The following TGFA variants were observed in gnomAD, a reference collection of about 807,000 sequenced individuals.
TGFA encodes protransforming growth factor alpha.
Under a neutral mutation model 21.7 loss-of-function variants are expected in TGFA, and 12 were observed. The ratio of observed to expected loss-of-function variants is 0.55; its 90% confidence interval spans 0.35 to 0.90. TGFA has a LOEUF of 0.90. TGFA is among the 40% of genes least tolerant of loss of function. TGFA has a pLI of 0.01. For synonymous variants in TGFA, 79 were observed against 88.1 expected, an observed-to-expected ratio of 0.90 and a Z score of 0.58; for missense variants, 178 against 210.8, an observed-to-expected ratio of 0.84 and a Z score of 0.96.
intron 2 of TGFA, among the ~76,000 whole-genome samples, chr2:70,473,194 T>C (rs1574081801): frequency 6.6e-6 from 1 of 151,840 alleles, no homozygotes; most frequent in Admixed American, 6.6e-5. Context: ...TTTACAAGGG[T>C]GGAACTCCAA....
At chr2:70,524,183 A>G (rs1322457449) in intron 1 of TGFA, among the ~76,000 whole-genome samples, 1 of 152,198 alleles carries the variant, frequency 6.6e-6, no homozygotes, top group African/African-American at 2.4e-5. Context: ...GGTCCGAGAG[A>G]ACCCTCTCTC....
intron 2 of TGFA, among the ~76,000 whole-genome samples, chr2:70,509,026 G>A (rs1413291580): frequency 6.6e-6 from 1 of 152,228 alleles, no homozygotes; most frequent in Non-Finnish European, 1.5e-5. Flanking sequence ...GGAGAGGAAA[G>A]GAAGAATCCC....
chr2:70,549,336 C>T (rs953567572), intron 1 of TGFA, among the ~76,000 whole-genome samples: 2 of 152,192 alleles, frequency 1.3e-5, no homozygotes, highest in Non-Finnish European at 2.9e-5. Context: ...AGGTAACATG[C>T]AATTGGTTAA....
intron 3 of TGFA, among the ~76,000 whole-genome samples, chr2:70,462,849 C>T (rs531409163): frequency 5.5e-4 from 83 of 152,152 alleles, no homozygotes; most frequent in African/African-American, 1.8e-3. Flanking sequence ...TTTCCAAATG[C>T]GAGTGTGTCT....
chr2:70,457,519 G>A (rs1053354408), intron 3 of TGFA, among the ~76,000 whole-genome samples: 12 of 150,772 alleles, frequency 8.0e-5, no homozygotes, highest in Admixed American at 6.6e-4. Context: ...ATCTAAGATC[G>A]CCACTTCCTT....
At chr2:70,457,545 C>T (rs200710283) in intron 3 of TGFA, among the ~76,000 whole-genome samples, 2 of 143,732 alleles carry the variant, frequency 1.4e-5, no homozygotes, top group African/African-American at 5.1e-5. Flanking sequence ...GGCGGGACTT[C>T]TTTTTTTTTT....
At chr2:70,524,964 G>A (rs1672590344) in intron 1 of TGFA, among the ~76,000 whole-genome samples, 2 of 152,062 alleles carry the variant, frequency 1.3e-5, no homozygotes, top group Non-Finnish European at 2.9e-5. Flanking sequence ...CATCCTCTGG[G>A]CCCAGGTGAG....
intron 2 of TGFA, chr2:70,467,791 C>T (rs1670614601): frequency 6.6e-6 from 1 of 152,222 alleles, no homozygotes; most frequent in East Asian, 1.9e-4. Flanking sequence ...TGAGCTGCTT[C>T]TAGAAGTGTC....
intron 2 of TGFA, among the ~76,000 whole-genome samples, chr2:70,505,771 T>C (rs1359455229): frequency 1.3e-5 from 2 of 152,202 alleles, no homozygotes; most frequent in Admixed American, 1.3e-4. Context: ...TCTAATCCAT[T>C]TTCTCCTGTG....
At chr2:70,504,824 T>C (rs1342316752) in intron 2 of TGFA, among the ~76,000 whole-genome samples, 3 of 152,142 alleles carry the variant, frequency 2.0e-5, no homozygotes, top group African/African-American at 7.2e-5. Context: ...TGTATGTGTA[T>C]CTGTGTGTGT....
At chr2:70,490,250 A>G (rs1278320760) in intron 2 of TGFA, among the ~76,000 whole-genome samples, 6 of 152,244 alleles carry the variant, frequency 3.9e-5, no homozygotes, top group African/African-American at 1.2e-4. Context: ...TTTACCATAT[A>G]GTGTCAATAA....
At chr2:70,460,194 C>A (rs529528388) in intron 3 of TGFA, among the ~76,000 whole-genome samples, 4 of 152,210 alleles carry the variant, frequency 2.6e-5, no homozygotes, top group Admixed American at 6.5e-5. Context: ...ATGTCCAGGC[C>A]ACACCTTTAG....
At chr2:70,485,398 T>G (rs1489024132) in intron 2 of TGFA, among the ~76,000 whole-genome samples, 1 of 152,110 alleles carries the variant, frequency 6.6e-6, no homozygotes, top group East Asian at 1.9e-4. Context: ...CCACCGTGCC[T>G]GGCTAATTTT....
Position 70,453,208 on chromosome 2 carries a change from G to A in TGFA, c.475+10C>T. 6.2e-7 allele frequency: 1 copy of A among 1,610,612 alleles called. No individual in the cohort carries two copies. On this transcript the variant is annotated intron_variant, in intron 5 of 5. Coordinates refer to ENST00000295400, the MANE Select transcript of TGFA (RefSeq NM_003236.4). ...CAATAGTGTCTCCCACCAGAGAAGA[G>A]TCTCCTTACCTGTTTCTGAGTGGCA...
chr2:70,509,483 A>C (rs1672027121), intron 2 of TGFA, among the ~76,000 whole-genome samples: 1 of 152,178 alleles, frequency 6.6e-6, no homozygotes, highest in Non-Finnish European at 1.5e-5. Context: ...TCCCTAAGCC[A>C]GCTGATAATG....
chr2:70,553,752 C>T lies in TGFA; in HGVS notation c.16G>A (p.Gly6Arg), dbSNP rs868956335. Residue 6 changes from glycine (G) to arginine (R), a missense_variant, in exon 1 of 6, where the codon GGA becomes AGA. Physicochemically the swap from Gly to Arg is moderately radical, Grantham distance 125 (BLOSUM62 -2). Coordinates refer to ENST00000295400, the MANE Select transcript of TGFA (RefSeq NM_003236.4). MVPSA[G>R]QLALFALGIV... ...CCCAGAGCGAACAGGGCGAGCTGTCCAGCCGAGGGGACCATTTTACGGGCG... is the reference window on the plus strand; with the variant it reads ...CCCAGAGCGAACAGGGCGAGCTGTCTAGCCGAGGGGACCATTTTACGGGCG... 1 of 1,302,884 alleles carries T rather than the reference C, an allele frequency of 7.7e-7. No homozygotes were observed. Among genetic ancestry groups the T allele is most frequent in the Non-Finnish European group, 9.8e-7 (1 of 1,019,156 alleles). The allele number at this position is 1,302,884 out of a possible 1,614,324, so 80.7% of individuals were successfully genotyped here.
At chr2:70,509,969 G>A (rs1672042860) in intron 2 of TGFA, among the ~76,000 whole-genome samples, 2 of 152,138 alleles carry the variant, frequency 1.3e-5, no homozygotes, top group Admixed American at 1.3e-4. Flanking sequence ...TAAGCTATAG[G>A]TGCTGCCACC....
chr2:70,494,652 G>A (rs563244646), intron 2 of TGFA, among the ~76,000 whole-genome samples: 84 of 152,228 alleles, frequency 5.5e-4, no homozygotes, highest in African/African-American at 1.1e-3. Flanking sequence ...TGCTTTGTAC[G>A]CAGCTCTTAT....
chr2:70,503,769 T>C (rs898180802), intron 2 of TGFA, among the ~76,000 whole-genome samples: 1 of 152,198 alleles, frequency 6.6e-6, no homozygotes, highest in Non-Finnish European at 1.5e-5. Flanking sequence ...CACATGTTAA[T>C]GAGAAGCGGA....
Sources: gnomAD v4.1 joint callset for allele counts (sites outside exome capture counted in the v4.1 genomes callset) on GRCh38, gnomAD v4.1.1 for gene constraint, MANE v1.5 for transcripts, NCBI Gene and HGNC (gene_info 2026-07-23, HGNC 2026-07-21) for gene names.